Variants in MYO1E observed in about 807,000 individuals in gnomAD.
The protein encoded by MYO1E is myosin IE.
MYO1E carries 68 observed loss-of-function variants against 151.1 expected under a neutral mutation model. The observed-to-expected ratio is 0.45, with a 90% CI of 0.37 to 0.55. MYO1E has a LOEUF of 0.55. MYO1E is among the 20% of genes least tolerant of loss of function. The pLI is 0.00. For missense variants in MYO1E, 1,363 were observed against 1,389.3 expected (o/e 0.98, Z 0.30); for synonymous variants, 601 against 501.7 (o/e 1.20, Z -2.64).
chr15:59,347,059 C>CA (rs2080798159), intron 1 of MYO1E, among the ~76,000 whole-genome samples: 1 of 152,186 alleles, frequency 6.6e-6, no homozygotes, highest in African/African-American at 2.4e-5. Context: ...TTCACCTTCT[C>CA]AAAGTGCTCT....
chr15:59,137,492 GA>G lies in MYO1E; in HGVS notation c.3251-37del, dbSNP rs1566961448. On this transcript the variant is annotated intron_variant, in intron 27 of 27. Transcript: ENST00000288235. ...AGAGAGGTGGTGGAAGTGAAGATGA[GA>G]AAGTCTGTTCTGCCCCAGCCACACA... 1.9e-6 allele frequency: 3 copies of G among 1,582,462 alleles called. No individual in the cohort carries two copies. The Admixed American group carries it at 5.0e-5, about 26-fold the overall frequency.
chr15:59,227,546 A>T lies in MYO1E; in HGVS notation c.555T>A (p.Asp185Glu). 1.9e-6 allele frequency: 3 copies of T among 1,614,176 alleles called. No homozygotes were observed. Among genetic ancestry groups the T allele is most frequent in the Non-Finnish European group, 2.5e-6 (3 of 1,180,012 alleles). ...EIQFSPGGEP[D>E]GGKISNFLLE... Reference sequence around the variant, plus strand: ...GAAGGAAGTTGGAGATCTTTCCACCATCTGGTTCCCCACCTGGACTGAACT... The same window carrying T: ...GAAGGAAGTTGGAGATCTTTCCACCTTCTGGTTCCCCACCTGGACTGAACT... The change falls in exon 7 of 28, where the codon GAT (aspartate) becomes GAA (glutamate). Residue 185 changes from aspartate to glutamate, a missense_variant. By Grantham distance (45) the Asp-to-Glu change is conservative. Transcript: ENST00000288235.
intron 26 of MYO1E, among the ~76,000 whole-genome samples, chr15:59,151,629 G>C (rs2079479534): frequency 6.6e-6 from 1 of 152,118 alleles, no homozygotes; most frequent in Admixed American, 6.5e-5. Context: ...AAAGATGAAT[G>C]AGGCCAGGCA....
In MYO1E at chr15:59,167,460, T is replaced by C. The variant is rs140708523; in HGVS notation, c.2481-4157A>G. ...ACACCTGTGGTCACCCTTCCTGCAATTGAGTTTTTCAAATAAGAGTGGGGC... is the reference window on the plus strand; with the variant it reads ...ACACCTGTGGTCACCCTTCCTGCAACTGAGTTTTTCAAATAAGAGTGGGGC... On this transcript the variant is annotated intron_variant, in intron 22 of 27. Transcript: ENST00000288235. 5.3e-3 allele frequency among the ~76,000 whole-genome samples: 810 copies of C among 152,226 alleles called. 7 individuals carry two copies. The highest frequency in any genetic ancestry group is 0.019 in the African/African-American group (773 of 41,508).
chr15:59,308,143 A>G (rs142979098), intron 1 of MYO1E, among the ~76,000 whole-genome samples: 13,547 of 147,446 alleles, frequency 0.092, 938 homozygotes, highest in East Asian at 0.38. Context: ...GAATCACCTG[A>G]ACCCAGGAGG....
chr15:59,194,839 A>G (rs1433207921), intron 17 of MYO1E, among the ~76,000 whole-genome samples: 1 of 152,178 alleles, frequency 6.6e-6, no homozygotes, highest in African/African-American at 2.4e-5. Context: ...CCTAAATCCT[A>G]GCTGTGGGAG....
chr15:59,216,155 G>A (rs1222564243), intron 10 of MYO1E, among the ~76,000 whole-genome samples: 4 of 152,100 alleles, frequency 2.6e-5, no homozygotes, highest in Admixed American at 1.3e-4. Flanking sequence ...TGGATTGAAT[G>A]GCCCCCACTG....
intron 1 of MYO1E, among the ~76,000 whole-genome samples, chr15:59,295,899 T>C (rs2080445709): frequency 6.6e-6 from 1 of 152,080 alleles, no homozygotes; most frequent in Admixed American, 6.5e-5. Flanking sequence ...TACTGCGGGG[T>C]TATTATTAAG....
chr15:59,207,977 A>G, intron 14 of MYO1E: 2 of 1,614,124 alleles, frequency 1.2e-6, no homozygotes, highest in Non-Finnish European at 1.7e-6. Context: ...ATCCTGGGAG[A>G]GAACGGTATT....
rs369774689 is a variant in MYO1E at position 59,224,694 on chromosome 15, T to C, written c.772A>G (p.Thr258Ala). 1.5e-4 allele frequency: 244 copies of C among 1,613,888 alleles called. No individual in the cohort carries two copies. The highest frequency in any genetic ancestry group is 6.3e-4 in the Admixed American group (38 of 59,984). ...GGCCCTGCGCCAGCACTTACCAGAGTTTCCTGAAACTCCCGCCTGTCGTCA... is the reference window on the plus strand; with the variant it reads ...GGCCCTGCGCCAGCACTTACCAGAGCTTCCTGAAACTCCCGCCTGTCGTCA... ...DIDDRREFQE[T>A]LHAMNVIGIF... The change falls in exon 8 of 28, where the codon ACT becomes GCT. Residue 258 changes from threonine to alanine, a missense_variant. By Grantham distance (58) the Thr-to-Ala change is moderately conservative. Transcript: ENST00000288235.
intron 1 of MYO1E, among the ~76,000 whole-genome samples, chr15:59,306,053 G>A (rs1438197923): frequency 2.0e-5 from 3 of 152,052 alleles, no homozygotes; most frequent in Admixed American, 6.5e-5. Context: ...AAACTCCCTC[G>A]TAATTACAGC....
chr15:59,341,016 CAAAAAAAA>C (rs35367694), intron 1 of MYO1E, among the ~76,000 whole-genome samples: 112 of 86,268 alleles, frequency 1.3e-3, no homozygotes, highest in African/African-American at 4.9e-3. Flanking sequence ...GACTCCATCT[CAAAAAAAA>C]AAAAAAAAAA....
chr15:59,225,076 C>T (rs1298809853), intron 7 of MYO1E, among the ~76,000 whole-genome samples: 3 of 152,230 alleles, frequency 2.0e-5, no homozygotes, highest in Non-Finnish European at 1.5e-5. Context: ...CTGCCACCCT[C>T]GGAAGAGTGG....
chr15:59,207,075 C>G lies in MYO1E; in HGVS notation c.1531-1590G>C, dbSNP rs3809528. 8 of 1,614,038 alleles carry G rather than the reference C, an allele frequency of 5.0e-6. No homozygotes were observed. The African/African-American group carries it at 6.7e-5, about 13-fold the overall frequency. On this transcript the variant is annotated intron_variant, in intron 14 of 27. Transcript: ENST00000288235. Reference sequence around the variant, plus strand: ...CGCTCAACGGCACCTGGCTCTTCACCCCCGTGAGCAAGATGGCGACTGTGA... The same window carrying G: ...CGCTCAACGGCACCTGGCTCTTCACGCCCGTGAGCAAGATGGCGACTGTGA...
At chr15:59,349,057 G>C (rs2080809738) in intron 1 of MYO1E, among the ~76,000 whole-genome samples, 1 of 152,274 alleles carries the variant, frequency 6.6e-6, no homozygotes, top group South Asian at 2.1e-4. Flanking sequence ...GACTATCTGG[G>C]AAGGCTTGGG....
chr15:59,283,221 G>C (rs1195046457), intron 1 of MYO1E, among the ~76,000 whole-genome samples: 1 of 151,856 alleles, frequency 6.6e-6, no homozygotes, highest in African/African-American at 2.4e-5. Flanking sequence ...TCTAACCCCT[G>C]CTTTCTCCGT....
At chr15:59,213,819 T>C (rs189385328) in intron 12 of MYO1E, among the ~76,000 whole-genome samples, 99 of 152,292 alleles carry the variant, frequency 6.5e-4, no homozygotes, top group African/African-American at 2.3e-3. Context: ...AGTATTCAAA[T>C]ACCAGCTTTG....
At chr15:59,349,262 C>A (rs997916344) in intron 1 of MYO1E, among the ~76,000 whole-genome samples, 4 of 151,956 alleles carry the variant, frequency 2.6e-5, no homozygotes, top group African/African-American at 4.8e-5. Context: ...ATGCATATGC[C>A]TCCTATATTT....
intron 4 of MYO1E, among the ~76,000 whole-genome samples, chr15:59,254,004 G>A (rs757183400): frequency 8.0e-5 from 12 of 150,256 alleles, no homozygotes; most frequent in Non-Finnish European, 1.8e-4. Context: ...GCGGTGTGTA[G>A]GCCTTGTTTG....
Sources: allele counts gnomAD v4.1 joint callset (sites outside exome capture counted in the v4.1 genomes callset), GRCh38; gene constraint gnomAD v4.1.1; transcripts MANE v1.5; gene names NCBI Gene and HGNC (gene_info 2026-07-23, HGNC 2026-07-21).